FBXW11: variants seen among roughly 807,000 people sequenced by gnomAD.
FBXW11 encodes the protein F-box/WD repeat-containing protein 11.
In FBXW11, 19 loss-of-function variants were observed where a neutral mutation model predicts 77.6. The ratio of observed to expected loss-of-function variants is 0.24; its 90% CI spans 0.17 to 0.36. The LOEUF is 0.36. FBXW11 is among the 10% of genes least tolerant of loss of function. FBXW11 has a pLI of 1.00. For synonymous variants in FBXW11, 235 were observed against 249.4 expected, an observed-to-expected ratio of 0.94 and a Z score of 0.54; for missense variants, 334 against 704.2, an observed-to-expected ratio of 0.47 and a Z score of 5.95.
At chr5:171,985,233 G>A (rs1158813123) in intron 1 of FBXW11, among the ~76,000 whole-genome samples, 4 of 152,150 alleles carry the variant, frequency 2.6e-5, no homozygotes, top group Non-Finnish European at 5.9e-5. Context: ...GACAACTGGA[G>A]TGATCTTTGT....
intron 7 of FBXW11, among the ~76,000 whole-genome samples, chr5:171,882,294 T>TGC (rs1475404833): frequency 6.6e-6 from 1 of 152,198 alleles, no homozygotes; most frequent in Non-Finnish European, 1.5e-5. Flanking sequence ...TGCACACATG[T>TGC]GCACACACAC....
intron 2 of FBXW11, among the ~76,000 whole-genome samples, chr5:171,922,906 CGTGT>C (rs140856911): frequency 4.7e-5 from 7 of 150,502 alleles, no homozygotes; most frequent in African/African-American, 9.7e-5. Flanking sequence ...CGTGTGTGTG[CGTGT>C]GTGTGTGTGT....
intron 2 of FBXW11, among the ~76,000 whole-genome samples, chr5:171,914,869 T>C (rs1258116637): frequency 6.6e-6 from 1 of 152,194 alleles, no homozygotes; most frequent in Non-Finnish European, 1.5e-5. Context: ...CCTCCCCTGA[T>C]AGCCTTGTTT....
chr5:171,906,880 T>A (rs1330179211), intron 4 of FBXW11, among the ~76,000 whole-genome samples: 1 of 152,194 alleles, frequency 6.6e-6, no homozygotes, highest in African/African-American at 2.4e-5. Flanking sequence ...ATCTAATCTC[T>A]GTCACATTTA....
At chr5:171,883,559 T>C (rs957544515) in intron 7 of FBXW11, among the ~76,000 whole-genome samples, 1 of 152,172 alleles carries the variant, frequency 6.6e-6, no homozygotes, top group Admixed American at 6.5e-5. Context: ...AATCTCCACA[T>C]TGTTTTCCAT....
At chr5:171,867,353 G>A (rs934865787) in intron 13 of FBXW11, among the ~76,000 whole-genome samples, 9 of 151,864 alleles carry the variant, frequency 5.9e-5, no homozygotes, top group African/African-American at 2.2e-4. Flanking sequence ...TATGAACACT[G>A]CAATTTAAAT....
chr5:171,901,665 C>G (rs1277234015), intron 4 of FBXW11, among the ~76,000 whole-genome samples: 2 of 152,200 alleles, frequency 1.3e-5, no homozygotes, highest in Non-Finnish European at 2.9e-5. Flanking sequence ...CAGAAGACGC[C>G]TAAGATGGCA....
intron 4 of FBXW11, among the ~76,000 whole-genome samples, chr5:171,909,884 A>G (rs1443604948): frequency 2.0e-5 from 3 of 152,170 alleles, no homozygotes; most frequent in Admixed American, 1.3e-4. Flanking sequence ...TGAATGCCCT[A>G]AACTTTTGGG....
At chr5:171,878,581 T>A (rs1758270460) in intron 7 of FBXW11, among the ~76,000 whole-genome samples, 2 of 69,782 alleles carry the variant, frequency 2.9e-5, no homozygotes, top group Non-Finnish European at 7.2e-5. Flanking sequence ...TGTGTGTGTG[T>A]GTGTGTGTGT....
chr5:171,869,797 C>T lies in FBXW11; in HGVS notation c.1462G>A (p.Val488Ile), dbSNP rs769192430. 14 of 1,606,966 alleles carry T rather than the reference C, an allele frequency of 8.7e-6. No individual in the cohort carries two copies. The highest frequency in any genetic ancestry group is 1.3e-5 in the African/African-American group (1 of 74,718). The change falls in exon 12 of 14, where the codon GTT (valine) becomes ATT (isoleucine). Residue 488 changes from valine (V) to isoleucine (I), a missense_variant. Coordinates refer to ENST00000517395, the MANE Select transcript of FBXW11 (RefSeq NM_001378974.1). This position sits in a 1 kb window ranked among gnomAD's most constrained non-coding sequence, Gnocchi z 4.1. ...VSGAYDGKIK[V>I]WDLQAALDPR... ...TCAAGAGCAGCTTGCAAGTCCCAAACTTTAATTTTCCTAGAAAGGAAAATG... is the reference window on the plus strand; with the variant it reads ...TCAAGAGCAGCTTGCAAGTCCCAAATTTTAATTTTCCTAGAAAGGAAAATG...
At chr5:171,914,664 A>C (rs1761112502) in intron 2 of FBXW11, among the ~76,000 whole-genome samples, 1 of 152,126 alleles carries the variant, frequency 6.6e-6, no homozygotes, top group Admixed American at 6.5e-5. Context: ...AAAAAGGCTA[A>C]ATTGTGGGAG....
chr5:171,884,011 T>A (rs1758710028), intron 7 of FBXW11, among the ~76,000 whole-genome samples: 1 of 152,266 alleles, frequency 6.6e-6, no homozygotes, highest in Non-Finnish European at 1.5e-5. Context: ...TGCTAACTGT[T>A]CCTTGTGCTG....
At chr5:171,997,077 T>C in intron 1 of FBXW11, 3 of 1,289,530 alleles carry the variant, frequency 2.3e-6, no homozygotes, top group African/African-American at 1.5e-5. Flanking sequence ...AAGCAATCCA[T>C]ACACCCACCA....
At chr5:171,933,217 C>T (rs1465748072) in intron 2 of FBXW11, among the ~76,000 whole-genome samples, 1 of 146,542 alleles carries the variant, frequency 6.8e-6, no homozygotes, top group Non-Finnish European at 1.5e-5. Context: ...CATCAAAAAA[C>T]CTGGTGGAAA....
At chr5:171,979,679 T>C (rs940278063) in intron 1 of FBXW11, among the ~76,000 whole-genome samples, 2 of 152,184 alleles carry the variant, frequency 1.3e-5, no homozygotes, top group Admixed American at 6.6e-5. Context: ...TATTTTGAGA[T>C]AGTAAAACCC....
At chr5:171,880,079 G>A (rs902790158) in intron 7 of FBXW11, among the ~76,000 whole-genome samples, 4 of 152,090 alleles carry the variant, frequency 2.6e-5, no homozygotes, top group African/African-American at 9.7e-5. Context: ...TTACAGTCAG[G>A]TCTTTAATCC....
chr5:171,925,708 T>A (rs549624693), intron 2 of FBXW11, among the ~76,000 whole-genome samples: 1 of 152,338 alleles, frequency 6.6e-6, no homozygotes, highest in East Asian at 1.9e-4. Context: ...TGGGGTTTTT[T>A]AATGGTATTT....
chr5:171,896,578 C>T (rs1759757399), intron 6 of FBXW11, among the ~76,000 whole-genome samples: 1 of 152,152 alleles, frequency 6.6e-6, no homozygotes. Context: ...GAATTTTCCA[C>T]TCTGAAAATG....
chr5:171,863,997 A>G lies in FBXW11; in HGVS notation c.*130T>C, dbSNP rs951009824. ...TACTTGAAGAGTTAGGCTGCTTTGC[A>G]TCTACCCAGCGTCTAGAACCAATTC... is the stretch of plus-strand genomic sequence containing the variant. On this transcript the variant is annotated 3_prime_UTR_variant, in exon 14 of 14. Coordinates refer to ENST00000517395, the MANE Select transcript of FBXW11 (RefSeq NM_001378974.1). 1 of 152,200 alleles carries G rather than the reference A, an allele frequency of 6.6e-6. No individual in the cohort carries two copies. Among genetic ancestry groups the G allele is most frequent in the African/African-American group, 2.4e-5 (1 of 41,442 alleles). The allele number at this position is 152,200 out of a possible 1,614,324, so 9.4% of individuals were successfully genotyped here. A position where few individuals can be genotyped will look rare whatever the true frequency, so the allele number is the denominator to read the frequency against.
Sources: allele counts gnomAD v4.1 joint callset (sites outside exome capture counted in the v4.1 genomes callset), GRCh38; gene constraint gnomAD v4.1.1; non-coding constraint Gnocchi (gnomAD v3.1); transcripts MANE v1.5; gene names NCBI Gene and HGNC (gene_info 2026-07-23, HGNC 2026-07-21).